Variants in MAF observed in about 807,000 individuals in gnomAD.
MAF encodes MAF bZIP transcription factor, also known as transcription factor Maf.
A neutral mutation model predicts 22.0 loss-of-function variants in MAF; 10 were observed. That is an observed-to-expected ratio of 0.45 (90% CI 0.28 to 0.77). The LOEUF (loss-of-function observed/expected upper bound fraction) is 0.77, where lower values mean the gene tolerates loss of function less well. Among genes scored for constraint, MAF ranks in the 30% least tolerant of loss-of-function variants. The pLI, the probability that MAF is intolerant of heterozygous loss-of-function variation, is 0.12. For missense variants in MAF, 544 were observed against 548.4 expected, an observed-to-expected ratio of 0.99 and a Z score of 0.08; for synonymous variants, 337 against 255.8, an observed-to-expected ratio of 1.32 and a Z score of -3.03.
chr16:79,546,495 G>A, the MAF span, among the ~76,000 whole-genome samples: 9 of 152,192 alleles, frequency 5.9e-5, no homozygotes, highest in East Asian at 5.8e-4. Context: ...AAGCAGAAGC[G>A]TTCATCTTTA....
At chr16:79,522,695 G>A in the MAF span, among the ~76,000 whole-genome samples, 1 of 152,168 alleles carries the variant, frequency 6.6e-6, no homozygotes, top group East Asian at 1.9e-4. Flanking sequence ...GTACAGAGAA[G>A]CCCATGATTA....
At chr16:79,543,658 A>C in the MAF span, among the ~76,000 whole-genome samples, 1 of 147,956 alleles carries the variant, frequency 6.8e-6, no homozygotes, top group Non-Finnish European at 1.5e-5. Context: ...AACAATTTCC[A>C]GGCCCTCTTT....
the MAF span, among the ~76,000 whole-genome samples, chr16:79,409,901 A>G: frequency 6.6e-6 from 1 of 152,214 alleles, no homozygotes; most frequent in South Asian, 2.1e-4. Context: ...TACGACCCCT[A>G]AACTACAGTT....
At chr16:79,468,272 G>T in the MAF span, among the ~76,000 whole-genome samples, 1 of 152,200 alleles carries the variant, frequency 6.6e-6, no homozygotes, top group African/African-American at 2.4e-5. Context: ...CGTCCAAGAA[G>T]TGCCTTCCCC....
chr16:79,253,036 G>C, the MAF span, among the ~76,000 whole-genome samples: 1 of 152,338 alleles, frequency 6.6e-6, no homozygotes, highest in African/African-American at 2.4e-5. Flanking sequence ...TTATTGTGCA[G>C]ATTAAATGAG....
chr16:79,369,011 A>C, the MAF span, among the ~76,000 whole-genome samples: 3 of 152,204 alleles, frequency 2.0e-5, no homozygotes, highest in African/African-American at 7.2e-5. Context: ...AAGGATGTCT[A>C]TCCGCTTTGT....
At chr16:79,229,383 G>C in the MAF span, 1 of 151,858 alleles carries the variant, frequency 6.6e-6, no homozygotes, top group African/African-American at 2.4e-5. Context: ...CTCTTTGATG[G>C]TCTTTTAAAG....
At chr16:79,529,456 T>C in the MAF span, among the ~76,000 whole-genome samples, 1 of 152,200 alleles carries the variant, frequency 6.6e-6, no homozygotes, top group South Asian at 2.1e-4. Flanking sequence ...CTACATACTA[T>C]TTTAGTAACT....
At chr16:79,568,034 T>A in the MAF span, among the ~76,000 whole-genome samples, 2 of 152,198 alleles carry the variant, frequency 1.3e-5, no homozygotes, top group Non-Finnish European at 2.9e-5. Flanking sequence ...ATAAGCTGCA[T>A]CTTTAATTCA....
the MAF span, chr16:79,211,830 C>G: frequency 1.2e-6 from 2 of 1,613,102 alleles, no homozygotes; most frequent in African/African-American, 2.7e-5. Flanking sequence ...CACACACCCG[C>G]CCTGTGTGTG....
At chr16:79,584,644 A>C (rs143862146), downstream of MAF, among the ~76,000 whole-genome samples, 155 of 152,338 alleles carry the variant, frequency 1.0e-3, no homozygotes, top group Non-Finnish European at 1.9e-3. Flanking sequence ...GGAGGTTTTC[A>C]CATTGTAATG....
the MAF span, among the ~76,000 whole-genome samples, chr16:79,445,549 AC>A: frequency 6.6e-6 from 1 of 152,000 alleles, no homozygotes; most frequent in Non-Finnish European, 1.5e-5. Context: ...TCAGGTGCTA[AC>A]CCCCCAAGCT....
chr16:79,266,298 T>G, the MAF span, among the ~76,000 whole-genome samples: 1 of 152,204 alleles, frequency 6.6e-6, no homozygotes. Flanking sequence ...TTTAATATTT[T>G]CAGTCCATGG....
At chr16:79,560,288 C>T in the MAF span, among the ~76,000 whole-genome samples, 1 of 151,970 alleles carries the variant, frequency 6.6e-6, no homozygotes, top group South Asian at 2.1e-4. Flanking sequence ...TTGGTTAAAT[C>T]ATGAAGTGAA....
the MAF span, among the ~76,000 whole-genome samples, chr16:79,360,074 T>C: frequency 0.1 from 15,901 of 152,198 alleles, 1,012 homozygotes; most frequent in Non-Finnish European, 0.15. Flanking sequence ...AAGGACTTCC[T>C]GACTCTTGGA....
chr16:79,209,396 T>C, the MAF span, among the ~76,000 whole-genome samples: 1 of 152,206 alleles, frequency 6.6e-6, no homozygotes, highest in Non-Finnish European at 1.5e-5. Context: ...TAGGAAGAAT[T>C]CTGCTTTTTG....
At chr16:79,458,925 G>A in the MAF span, among the ~76,000 whole-genome samples, 1 of 152,220 alleles carries the variant, frequency 6.6e-6, no homozygotes, top group East Asian at 1.9e-4. Flanking sequence ...GAAAATGCAG[G>A]GAAAGATGTA....
At chr16:79,565,781 G>C in the MAF span, among the ~76,000 whole-genome samples, 13 of 152,132 alleles carry the variant, frequency 8.5e-5, no homozygotes, top group Admixed American at 6.6e-5. Context: ...GTATAAGAAT[G>C]GACTGATAAA....
At chr16:79,305,609 G>C in the MAF span, among the ~76,000 whole-genome samples, 1 of 152,178 alleles carries the variant, frequency 6.6e-6, no homozygotes, top group African/African-American at 2.4e-5. Flanking sequence ...GACCCTCCTG[G>C]TGCACCAGAG....
Sources: gnomAD v4.1 joint callset for allele counts (sites outside exome capture counted in the v4.1 genomes callset) on GRCh38, gnomAD v4.1.1 for gene constraint, MANE v1.5 for transcripts, NCBI Gene and HGNC (gene_info 2026-07-23, HGNC 2026-07-21) for gene names.